TLK1: variants seen among roughly 807,000 people sequenced by gnomAD.
TLK1 encodes the protein serine/threonine-protein kinase tousled-like 1.
A neutral mutation model predicts 105.3 loss-of-function variants in TLK1; 24 were observed. That is an observed-to-expected ratio of 0.23 (90% CI 0.17 to 0.32). TLK1 has a LOEUF of 0.32. Among genes scored for constraint, TLK1 ranks in the 10% least tolerant of loss-of-function variants. TLK1 has a pLI of 1.00. For missense variants in TLK1, 558 were observed against 910.5 expected, an observed-to-expected ratio of 0.61 and a Z score of 4.98; for synonymous variants, 321 against 310.4, an observed-to-expected ratio of 1.03 and a Z score of -0.36.
chr2:171,192,921 T>G (rs555059538), intron 1 of TLK1, among the ~76,000 whole-genome samples: 1 of 152,372 alleles, frequency 6.6e-6, no homozygotes, highest in South Asian at 2.1e-4. Context: ...CATGTTTCCA[T>G]GCTATTATTC....
At chr2:171,035,997 G>C (rs967048330) in intron 11 of TLK1, among the ~76,000 whole-genome samples, 6 of 152,250 alleles carry the variant, frequency 3.9e-5, no homozygotes, top group Admixed American at 3.9e-4. Flanking sequence ...ATTTGTGTTG[G>C]TTAAAGCTAG....
At chr2:171,154,852 A>G (rs1411041762) in intron 1 of TLK1, among the ~76,000 whole-genome samples, 3 of 152,208 alleles carry the variant, frequency 2.0e-5, no homozygotes, top group Admixed American at 1.3e-4. Context: ...CAAGCTGGGT[A>G]TTATTACTTA....
At chr2:171,028,029 G>A (rs1015685176) in intron 12 of TLK1, among the ~76,000 whole-genome samples, 1 of 152,108 alleles carries the variant, frequency 6.6e-6, no homozygotes, top group Non-Finnish European at 1.5e-5. Context: ...CAGATGTGGT[G>A]GCGCATGCCT....
At chr2:171,161,397 C>G (rs1006020238), upstream of TLK1, among the ~76,000 whole-genome samples, 3 of 152,218 alleles carry the variant, frequency 2.0e-5, no homozygotes, top group South Asian at 2.1e-4. Context: ...CTTTCTTGCC[C>G]CTCTGTACTG....
rs1309846649 is a variant in TLK1, at chr2:171,149,090, ATTACT to A, written c.139+11195_139+11199del. 1.2e-4 allele frequency among the ~76,000 whole-genome samples: 15 copies of A among 127,240 alleles called. No homozygotes were observed. The East Asian group carries it at 3.0e-3, about 25-fold the overall frequency. The allele number at this position is 127,240 out of a possible 152,430, so 83.5% of individuals were successfully genotyped here. On this transcript the variant is annotated intron_variant, in intron 1 of 20. Transcript: ENST00000431350. ...CAAATAGTCATTTTTCATCCTTTGA[ATTACT>A]TTTCTTTTTTTTTTTTTTTTTTTTT...
intron 2 of TLK1, among the ~76,000 whole-genome samples, chr2:171,117,091 A>G (rs1293211977): frequency 6.6e-6 from 1 of 152,168 alleles, no homozygotes; most frequent in Non-Finnish European, 1.5e-5. Context: ...TTCATGGAAG[A>G]CAATTTTTCC....
intron 3 of TLK1, among the ~76,000 whole-genome samples, chr2:171,078,088 T>C (rs1002492180): frequency 2.4e-4 from 36 of 151,956 alleles, no homozygotes; most frequent in African/African-American, 8.7e-4. Flanking sequence ...TCCAGATATC[T>C]TCTACTGTGC....
intron 3 of TLK1, among the ~76,000 whole-genome samples, chr2:171,081,413 G>A (rs761689440): frequency 2.0e-5 from 3 of 152,138 alleles, no homozygotes; most frequent in Non-Finnish European, 4.4e-5. Context: ...TAACACAAAT[G>A]TCTATGAAAC....
At chr2:171,137,693 C>T (rs1691384942) in intron 1 of TLK1, among the ~76,000 whole-genome samples, 1 of 151,696 alleles carries the variant, frequency 6.6e-6, no homozygotes, top group Non-Finnish European at 1.5e-5. Flanking sequence ...TACTAAAATA[C>T]AAAAAATTAG....
chr2:171,159,017 G>A (rs1692344374), intron 1 of TLK1, among the ~76,000 whole-genome samples: 1 of 152,170 alleles, frequency 6.6e-6, no homozygotes, highest in Non-Finnish European at 1.5e-5. Context: ...GGAACAAAAT[G>A]ACAAAGAATG....
chr2:171,087,473 C>T (rs775482719), intron 2 of TLK1, among the ~76,000 whole-genome samples: 1 of 152,052 alleles, frequency 6.6e-6, no homozygotes, highest in Non-Finnish European at 1.5e-5. Context: ...AAAATAGTGT[C>T]TGTTGGACAC....
chr2:171,209,134 G>C (rs751810690), intron 1 of TLK1, among the ~76,000 whole-genome samples: 17 of 152,308 alleles, frequency 1.1e-4, no homozygotes, highest in Non-Finnish European at 2.1e-4. Flanking sequence ...GTGCAGCACA[G>C]CGTAAATAGT....
intron 1 of TLK1, among the ~76,000 whole-genome samples, chr2:171,144,458 A>G (rs997131158): frequency 6.6e-6 from 1 of 152,228 alleles, no homozygotes; most frequent in African/African-American, 2.4e-5. Context: ...AAAAGGATAA[A>G]AAGGATACAA....
intron 1 of TLK1, among the ~76,000 whole-genome samples, chr2:171,130,079 T>C (rs969859720): frequency 9.2e-5 from 14 of 152,202 alleles, no homozygotes; most frequent in Admixed American, 2.6e-4. Context: ...AATCCCAGCT[T>C]TGCCACGTAG....
intron 1 of TLK1, among the ~76,000 whole-genome samples, chr2:171,121,238 T>A (rs1332317103): frequency 4.0e-5 from 6 of 151,484 alleles, no homozygotes; most frequent in Middle Eastern, 3.4e-3. Flanking sequence ...TGCCACAATT[T>A]AAAAAAAAAT....
At chr2:171,195,806 T>C (rs545655360) in intron 1 of TLK1, among the ~76,000 whole-genome samples, 12 of 152,036 alleles carry the variant, frequency 7.9e-5, no homozygotes, top group Middle Eastern at 3.4e-3. Flanking sequence ...CCCAACACTT[T>C]GGGAGGTCGA....
At chr2:171,229,503 G>T (rs754357351) in intron 1 of TLK1, among the ~76,000 whole-genome samples, 1 of 152,096 alleles carries the variant, frequency 6.6e-6, no homozygotes, top group African/African-American at 2.4e-5. Flanking sequence ...TCTTCCCTCC[G>T]GGTGCCATCC....
chr2:171,181,285 T>C (rs1328133718), intron 1 of TLK1, among the ~76,000 whole-genome samples: 2 of 152,224 alleles, frequency 1.3e-5, no homozygotes, highest in Non-Finnish European at 2.9e-5. Context: ...TCATTCCATG[T>C]GCTTCATCAA....
chr2:171,109,135 T>TA (rs1321779804), intron 2 of TLK1, among the ~76,000 whole-genome samples: 1 of 152,200 alleles, frequency 6.6e-6, no homozygotes, highest in Non-Finnish European at 1.5e-5. Flanking sequence ...CAGAAAAAGA[T>TA]ACGCCAAGTT....
Sources: allele counts gnomAD v4.1 joint callset (sites outside exome capture counted in the v4.1 genomes callset), GRCh38; gene constraint gnomAD v4.1.1; transcripts MANE v1.5; gene names NCBI Gene and HGNC (gene_info 2026-07-23, HGNC 2026-07-21).